Variants in KHDRBS2 observed in about 807,000 individuals in gnomAD.
The protein encoded by KHDRBS2 is KH domain-containing, RNA-binding, signal transduction-associated protein 2.
KHDRBS2 carries 26 observed loss-of-function variants against 44.3 expected under a neutral mutation model. That is an observed-to-expected ratio of 0.59 (90% CI 0.43 to 0.81). KHDRBS2 has a LOEUF of 0.81. KHDRBS2 is among the 40% of genes least tolerant of loss of function. The probability of loss-of-function intolerance (pLI) is 0.00; values close to 1 mark genes in which losing one functional copy is unlikely to be tolerated. For synonymous variants in KHDRBS2, 194 were observed against 151.1 expected, an observed-to-expected ratio of 1.28 and a Z score of -2.08; for missense variants, 476 against 433.1, an observed-to-expected ratio of 1.10 and a Z score of -0.88.
intron 6 of KHDRBS2, among the ~76,000 whole-genome samples, chr6:61,755,248 C>T (rs1467852829): frequency 6.6e-6 from 1 of 151,826 alleles, no homozygotes. Context: ...TTATCTGGGC[C>T]CCATCCCAAC....
intron 1 of KHDRBS2, among the ~76,000 whole-genome samples, chr6:62,208,342 G>A (rs1363175889): frequency 6.6e-6 from 1 of 152,150 alleles, no homozygotes; most frequent in African/African-American, 2.4e-5. Context: ...TGGTCCTCAT[G>A]CTTCAGCCTC....
chr6:61,894,864 A>T, intron 5 of KHDRBS2, 31 bp from the exon 6 acceptor site: 1 of 1,525,556 alleles, frequency 6.6e-7, no homozygotes, highest in Middle Eastern at 2.0e-4. Flanking sequence ...ATAGATGAGA[A>T]ACAGGTGATG....
chr6:61,851,662 G>T (rs535952172), intron 6 of KHDRBS2, among the ~76,000 whole-genome samples: 2 of 152,264 alleles, frequency 1.3e-5, no homozygotes, highest in Non-Finnish European at 2.9e-5. Flanking sequence ...TGACAACTTA[G>T]TCTTGGACTT....
the KHDRBS2 span, among the ~76,000 whole-genome samples, chr6:61,629,394 A>G: frequency 6.6e-6 from 1 of 152,168 alleles, no homozygotes. Flanking sequence ...TTACACTACC[A>G]TATGCCCATA....
chr6:61,704,968 C>A (rs1188829807), intron 7 of KHDRBS2, among the ~76,000 whole-genome samples: 1 of 151,776 alleles, frequency 6.6e-6, no homozygotes, highest in Non-Finnish European at 1.5e-5. Flanking sequence ...TATCTCAGGT[C>A]ATTAGATGCT....
At chr6:61,737,802 A>C (rs1320542671) in intron 6 of KHDRBS2, among the ~76,000 whole-genome samples, 1 of 152,090 alleles carries the variant, frequency 6.6e-6, no homozygotes, top group Non-Finnish European at 1.5e-5. Flanking sequence ...GGGAAGAGTA[A>C]AGGTAGAACA....
At chr6:62,188,258 C>A (rs1261971288) in intron 1 of KHDRBS2, among the ~76,000 whole-genome samples, 1 of 152,046 alleles carries the variant, frequency 6.6e-6, no homozygotes, top group Non-Finnish European at 1.5e-5. Context: ...GTCTCTAGAA[C>A]TTATCATCTT....
intron 2 of KHDRBS2, among the ~76,000 whole-genome samples, chr6:62,123,349 T>C (rs1273763606): frequency 6.6e-6 from 1 of 152,208 alleles, no homozygotes; most frequent in African/African-American, 2.4e-5. Flanking sequence ...AATAGTGCCG[T>C]AATAAACATA....
intron 2 of KHDRBS2, among the ~76,000 whole-genome samples, chr6:62,087,504 A>G (rs1798622689): frequency 6.6e-6 from 1 of 152,194 alleles, no homozygotes; most frequent in Admixed American, 6.5e-5. Context: ...ATAAAAAAAG[A>G]TATTAAATAA....
intron 1 of KHDRBS2, among the ~76,000 whole-genome samples, chr6:62,281,867 G>C (rs1482104604): frequency 6.6e-6 from 1 of 152,028 alleles, no homozygotes; most frequent in Non-Finnish European, 1.5e-5. Flanking sequence ...TGTTTTTCTT[G>C]TCAAAGTAGA....
rs6921625 is a variant in KHDRBS2, at chr6:62,180,504, T to C, written c.92-3192A>G. On this transcript the variant is annotated intron_variant, in intron 1 of 8. Coordinates refer to ENST00000281156, the MANE Select transcript of KHDRBS2 (RefSeq NM_152688.4). ...CTTAGTTAAGCTGGTTAACGACTTG[T>C]ACGCTGAAAACCAAAAGCATTGATG... 9.5e-3 allele frequency among the ~76,000 whole-genome samples: 1,444 copies of C among 151,952 alleles called. 25 individuals are homozygous for C. The highest frequency in any genetic ancestry group is 0.033 in the African/African-American group (1,384 of 41,512).
chr6:61,807,583 A>G (rs1256154894), intron 6 of KHDRBS2, among the ~76,000 whole-genome samples: 1 of 152,076 alleles, frequency 6.6e-6, no homozygotes, highest in Non-Finnish European at 1.5e-5. Flanking sequence ...AAATCCAAAT[A>G]CCACATGTGT....
intron 2 of KHDRBS2, among the ~76,000 whole-genome samples, chr6:62,075,715 A>G (rs1212960392): frequency 3.3e-5 from 5 of 151,878 alleles, no homozygotes; most frequent in African/African-American, 1.2e-4. Context: ...CCCAGGCTTT[A>G]TGCCATGAGC....
At chr6:61,975,680 C>CACACACAGAG (rs148696826) in intron 4 of KHDRBS2, among the ~76,000 whole-genome samples, 39 of 149,856 alleles carry the variant, frequency 2.6e-4, no homozygotes, top group East Asian at 2.2e-3. Context: ...CACACACACA[C>CACACACAGAG]AGAGAGATAT....
chr6:61,967,233 G>T (rs1350288934), intron 4 of KHDRBS2, among the ~76,000 whole-genome samples: 1 of 146,484 alleles, frequency 6.8e-6, no homozygotes, highest in African/African-American at 2.5e-5. Context: ...GGATAAATGA[G>T]CCCACTGAAA....
intron 2 of KHDRBS2, among the ~76,000 whole-genome samples, chr6:62,154,225 G>A (rs1815875163): frequency 6.6e-6 from 1 of 152,124 alleles, no homozygotes; most frequent in Non-Finnish European, 1.5e-5. Context: ...ACATGACCAG[G>A]CTCCAGGGAC....
intron 6 of KHDRBS2, among the ~76,000 whole-genome samples, chr6:61,808,024 C>T (rs1050401862): frequency 6.6e-6 from 1 of 152,038 alleles, no homozygotes; most frequent in African/African-American, 2.4e-5. Context: ...AAAGCAACTG[C>T]TTGGATGTTC....
chr6:61,737,715 G>C (rs1775587846), intron 6 of KHDRBS2, among the ~76,000 whole-genome samples: 2 of 152,040 alleles, frequency 1.3e-5, no homozygotes, highest in Admixed American at 1.3e-4. Context: ...AAAAGGCATG[G>C]ACTCCGGCTT....
intron 2 of KHDRBS2, among the ~76,000 whole-genome samples, chr6:62,175,898 T>C (rs1195894074): frequency 6.6e-6 from 1 of 151,406 alleles, no homozygotes; most frequent in East Asian, 1.9e-4. Context: ...GATCAGAGAC[T>C]ATAGAACTAC....
Sources: gnomAD v4.1 joint callset for allele counts (sites outside exome capture counted in the v4.1 genomes callset) on GRCh38, gnomAD v4.1.1 for gene constraint, MANE v1.5 for transcripts, NCBI Gene and HGNC (gene_info 2026-07-23, HGNC 2026-07-21) for gene names.